ABCB11: variants seen among roughly 807,000 people sequenced by gnomAD.
ABCB11 encodes the protein ATP binding cassette subfamily B member 11, also known as bile salt export pump.
A neutral mutation model predicts 148.0 loss-of-function variants in ABCB11; 95 were observed. The ratio of observed to expected loss-of-function variants is 0.64; its 90% CI spans 0.54 to 0.76. The LOEUF is 0.76. Among genes scored for constraint, ABCB11 ranks in the 30% least tolerant of loss-of-function variants. ABCB11 has a pLI of 0.00. For synonymous variants in ABCB11, 591 were observed against 555.4 expected (o/e 1.06, Z -0.90); for missense variants, 1,523 against 1,617.8 (o/e 0.94, Z 1.01).
At position 169,010,590 on chromosome 2, in the gene ABCB11, C is replaced by T. The variant is rs116290518; in HGVS notation, c.389+2682G>A. Reference sequence around the variant, plus strand: ...TATTGTAATAAAAGGAGAAACTGTACTTTTAATGATATACTTTTTCCACGA... The same window carrying T: ...TATTGTAATAAAAGGAGAAACTGTATTTTTAATGATATACTTTTTCCACGA... On this transcript the variant is annotated intron_variant, in intron 5 of 27. Transcript: ENST00000650372. 1.7e-3 allele frequency among the ~76,000 whole-genome samples: 263 copies of T among 152,292 alleles called. 1 individual carries two copies. Among genetic ancestry groups the T allele is most frequent in the African/African-American group, 6.1e-3 (253 of 41,566 alleles).
intron 1 of ABCB11, among the ~76,000 whole-genome samples, chr2:169,029,486 C>T (rs889576704): frequency 6.6e-6 from 1 of 152,068 alleles, no homozygotes; most frequent in Non-Finnish European, 1.5e-5. Flanking sequence ...TGCTGTGTGT[C>T]AACACTGTGG....
intron 26 of ABCB11, 105 bp downstream of exon 26, chr2:168,927,051 G>T: frequency 1.7e-6 from 2 of 1,154,460 alleles, no homozygotes; most frequent in Non-Finnish European, 2.5e-6. Flanking sequence ...GGAACATTTT[G>T]GATTTGGGAT....
rs77281044 is a variant in ABCB11 at position 168,999,195 on chromosome 2, A to G, written c.390-2473T>C. 4.0e-3 allele frequency among the ~76,000 whole-genome samples: 607 copies of G among 152,214 alleles called. 5 individuals carry two copies. Among genetic ancestry groups the G allele is most frequent in the African/African-American group, 0.013 (557 of 41,562 alleles). On this transcript the variant is annotated intron_variant, in intron 5 of 27. Transcript: ENST00000650372. Reference sequence around the variant, plus strand: ...GAGATGACATTAGAGGAAAAAAGATAAAGAGACGTTTTACAAATTATTATG... The same window carrying G: ...GAGATGACATTAGAGGAAAAAAGATGAAGAGACGTTTTACAAATTATTATG...
chr2:168,960,659 C>G (rs985862080), intron 18 of ABCB11, among the ~76,000 whole-genome samples: 1 of 151,146 alleles, frequency 6.6e-6, no homozygotes, highest in South Asian at 2.1e-4. Context: ...TAAAGTTTGA[C>G]CCCCCCGAAA....
chr2:169,024,606 T>G (rs1695638821), intron 1 of ABCB11, among the ~76,000 whole-genome samples: 1 of 152,192 alleles, frequency 6.6e-6, no homozygotes, highest in African/African-American at 2.4e-5. Flanking sequence ...TATTGATACA[T>G]TATTATTAGC....
At chr2:169,012,227 C>T (rs1695208107) in intron 5 of ABCB11, among the ~76,000 whole-genome samples, 1 of 152,092 alleles carries the variant, frequency 6.6e-6, no homozygotes, top group African/African-American at 2.4e-5. Context: ...ATGTGCCCCA[C>T]CCTTGATTCT....
intron 19 of ABCB11, among the ~76,000 whole-genome samples, chr2:168,956,919 C>A (rs76527478): frequency 4.0e-5 from 6 of 151,574 alleles, no homozygotes; most frequent in African/African-American, 1.5e-4. Context: ...TATCCAAAAG[C>A]CTCTTGTGGC....
chr2:168,948,068 C>T (rs1692409125), intron 19 of ABCB11, among the ~76,000 whole-genome samples: 1 of 151,434 alleles, frequency 6.6e-6, no homozygotes, highest in African/African-American at 2.4e-5. Flanking sequence ...GATCCCAGGG[C>T]ACACAGGATG....
At chr2:168,946,239 T>C (rs1692300022) in intron 19 of ABCB11, among the ~76,000 whole-genome samples, 1 of 151,886 alleles carries the variant, frequency 6.6e-6, no homozygotes, top group African/African-American at 2.4e-5. Context: ...ATTTGAGTCA[T>C]TAAAACAGTG....
At chr2:168,953,016 C>T (rs1692637617) in intron 19 of ABCB11, among the ~76,000 whole-genome samples, 1 of 151,414 alleles carries the variant, frequency 6.6e-6, no homozygotes, top group South Asian at 2.1e-4. Flanking sequence ...GTATAGTTTC[C>T]AAACTTCTTC....
chr2:168,946,408 A>G (rs1297720531), intron 19 of ABCB11, among the ~76,000 whole-genome samples: 2 of 151,788 alleles, frequency 1.3e-5, no homozygotes, highest in Non-Finnish European at 2.9e-5. Context: ...ATGGCAAATT[A>G]CAAAGTGAGT....
intron 10 of ABCB11, among the ~76,000 whole-genome samples, chr2:168,981,678 T>C (rs1694141588): frequency 6.6e-6 from 1 of 152,150 alleles, no homozygotes; most frequent in South Asian, 2.1e-4. Flanking sequence ...GAGGTCTTCC[T>C]ACCTCAGCAA....
In ABCB11 at chr2:168,923,386, T is replaced by C. The variant is rs473351; in HGVS notation, c.*236A>G. 0.62 allele frequency: 352,763 copies of C among 570,900 alleles called. 112,586 individuals are homozygous for C. The highest frequency in any genetic ancestry group is 0.94 in the East Asian group (32,227 of 34,346). 35.4% of individuals were successfully genotyped at this position (570,900 alleles called of 1,614,324 possible). On this transcript the variant is annotated 3_prime_UTR_variant, in exon 28 of 28. Transcript: ENST00000650372. ...CCACTTGACATTGGGTTTTCCCTCA[T>C]ATGGACCCTAGTTTCTTTCATTTTC...
downstream of ABCB11, among the ~76,000 whole-genome samples, chr2:168,920,481 T>C (rs979160688): frequency 6.6e-6 from 1 of 152,184 alleles, no homozygotes; most frequent in African/African-American, 2.4e-5. Context: ...TTTTCCTACT[T>C]TTCATCTCTA....
intron 27 of ABCB11, 118 bp from the exon 28 acceptor site, chr2:168,923,940 A>G: frequency 1.1e-6 from 1 of 893,930 alleles, no homozygotes; most frequent in South Asian, 1.6e-5. Context: ...GCAAACCCAA[A>G]GGCTCAACAT....
chr2:168,990,712 T>C, intron 9 of ABCB11, 89 bp downstream of exon 9: 5 of 1,539,954 alleles, frequency 3.2e-6, no homozygotes, highest in Admixed American at 3.4e-5. Context: ...CAGACCAAGG[T>C]GGGTCTGCCG....
chr2:168,986,359 C>T, intron 9 of ABCB11, 75 bp from the exon 10 acceptor site: 1 of 1,270,898 alleles, frequency 7.9e-7, no homozygotes, highest in South Asian at 1.3e-5. Context: ...GGCCGTGATG[C>T]AGTGGTTTTA....
intron 5 of ABCB11, among the ~76,000 whole-genome samples, chr2:169,005,075 C>T (rs551530484): frequency 7.2e-5 from 11 of 152,080 alleles, no homozygotes; most frequent in Admixed American, 4.6e-4. Flanking sequence ...AAGTGGGCTC[C>T]GTGAAGGTCC....
At chr2:168,944,799 T>A (rs199967668) in intron 20 of ABCB11, 33 bp from the exon 21 acceptor site, 4 of 1,609,620 alleles carry the variant, frequency 2.5e-6, no homozygotes, top group Non-Finnish European at 3.4e-6. Context: ...TTAGAGAAAT[T>A]TTAATGAGAA....
Sources: allele counts gnomAD v4.1 joint callset (sites outside exome capture counted in the v4.1 genomes callset), GRCh38; gene constraint gnomAD v4.1.1; transcripts MANE v1.5; gene names NCBI Gene and HGNC (gene_info 2026-07-23, HGNC 2026-07-21).